SAMD12: variants seen among roughly 807,000 people sequenced by gnomAD.
SAMD12 encodes sterile alpha motif domain containing 12.
A neutral mutation model predicts 15.0 loss-of-function variants in SAMD12; 9 were observed. The ratio of observed to expected loss-of-function variants is 0.60; its 90% CI spans 0.36 to 1.05. The LOEUF (loss-of-function observed/expected upper bound fraction) is 1.05. Ranked by LOEUF, SAMD12 falls within the 50% of genes least tolerant of loss-of-function variation. The pLI, the probability that SAMD12 is intolerant of heterozygous loss-of-function variation, is 0.01. For missense variants in SAMD12, 230 were observed against 234.2 expected (o/e 0.98, Z 0.12); for synonymous variants, 86 against 90.1 (o/e 0.96, Z 0.25).
chr8:118,376,162 C>A (rs180924364), downstream of SAMD12, among the ~76,000 whole-genome samples: 12 of 152,256 alleles, frequency 7.9e-5, no homozygotes, highest in African/African-American at 2.6e-4. Flanking sequence ...TCCTAAGAAA[C>A]GCAATCATTT....
chr8:118,372,580 C>T (rs1405370366), intron 4 of SAMD12, among the ~76,000 whole-genome samples: 1 of 152,050 alleles, frequency 6.6e-6, no homozygotes, highest in Non-Finnish European at 1.5e-5. Flanking sequence ...AGCAATTCCA[C>T]TTCTAGATAT....
chr8:118,156,674 C>G, the SAMD12 span, among the ~76,000 whole-genome samples: 2 of 152,042 alleles, frequency 1.3e-5, no homozygotes, highest in African/African-American at 4.8e-5. Flanking sequence ...CTGTGCTAGA[C>G]ATTCATGATA....
At chr8:118,528,402 T>A (rs989362652) in intron 2 of SAMD12, among the ~76,000 whole-genome samples, 2 of 152,220 alleles carry the variant, frequency 1.3e-5, no homozygotes, top group African/African-American at 4.8e-5. Flanking sequence ...AATAGTAACA[T>A]AGGGATTAAT....
intron 3 of SAMD12, among the ~76,000 whole-genome samples, chr8:118,395,711 C>A (rs1820522886): frequency 6.6e-6 from 1 of 152,084 alleles, no homozygotes; most frequent in Non-Finnish European, 1.5e-5. Flanking sequence ...GTAATCCTAG[C>A]ACTTTGGGAG....
chr8:118,491,712 T>G (rs900501889), intron 2 of SAMD12, among the ~76,000 whole-genome samples: 1 of 152,174 alleles, frequency 6.6e-6, no homozygotes, highest in South Asian at 2.1e-4. Flanking sequence ...AACATGTGCA[T>G]GTGTCTGGCT....
chr8:118,388,431 G>A (rs558335547), intron 3 of SAMD12, among the ~76,000 whole-genome samples: 55 of 152,152 alleles, frequency 3.6e-4, no homozygotes, highest in Admixed American at 4.6e-4. Context: ...TTTTGAGAGC[G>A]GCTTTTTTCT....
intron 3 of SAMD12, among the ~76,000 whole-genome samples, chr8:118,405,292 T>C (rs1432488403): frequency 2.0e-5 from 3 of 152,186 alleles, no homozygotes; most frequent in Non-Finnish European, 2.9e-5. Context: ...ACAGCTTTAC[T>C]GGAAATAATC....
At chr8:118,345,329 C>T (rs1817580691) in intron 4 of SAMD12, among the ~76,000 whole-genome samples, 1 of 152,172 alleles carries the variant, frequency 6.6e-6, no homozygotes, top group Admixed American at 6.5e-5. Flanking sequence ...GCGATGCTCA[C>T]ACAATGAAAT....
intron 3 of SAMD12, among the ~76,000 whole-genome samples, chr8:118,389,453 C>T (rs555740051): frequency 7.2e-5 from 11 of 152,264 alleles, no homozygotes; most frequent in Non-Finnish European, 1.5e-4. Flanking sequence ...TGGGAGCCTA[C>T]GCAGCCCAGC....
rs548239075 is a variant in SAMD12, at chr8:118,278,489, G to A, written c.434-80757C>T. On this transcript the variant is annotated intron_variant, in intron 4 of 4. Coordinates refer to the SAMD12 transcript ENST00000409003. ...GATTCAAGAAAGCTTCAGCATCTGG[G>A]AAGCCTAGAGAACAAACCATAACCA... 7.2e-5 allele frequency among the ~76,000 whole-genome samples: 11 copies of A among 152,332 alleles called. No homozygotes were observed. The South Asian group carries it at 2.3e-3, about 32-fold the overall frequency.
At chr8:118,255,600 T>C (rs868246417) in intron 4 of SAMD12, among the ~76,000 whole-genome samples, 32 of 147,240 alleles carry the variant, frequency 2.2e-4, no homozygotes, top group African/African-American at 3.0e-4. Flanking sequence ...TGAGAACATG[T>C]GGTGTTTGGT....
intron 2 of SAMD12, among the ~76,000 whole-genome samples, chr8:118,467,402 A>T (rs1170543533): frequency 6.6e-6 from 1 of 152,190 alleles, no homozygotes; most frequent in Non-Finnish European, 1.5e-5. Context: ...TGCCTCCCAC[A>T]TAGAAAATTT....
intron 2 of SAMD12, among the ~76,000 whole-genome samples, chr8:118,569,527 T>C (rs964294779): frequency 5.9e-5 from 9 of 152,150 alleles, no homozygotes; most frequent in South Asian, 2.1e-4. Flanking sequence ...CTAAAACTGA[T>C]AGGTTGAAGC....
chr8:118,566,263 C>T (rs772886550), intron 2 of SAMD12, among the ~76,000 whole-genome samples: 15 of 152,176 alleles, frequency 9.9e-5, no homozygotes, highest in Admixed American at 2.6e-4. Context: ...CCCATCTTCC[C>T]GCACAGCTGC....
the SAMD12 span, among the ~76,000 whole-genome samples, chr8:118,155,442 G>T: frequency 6.6e-6 from 1 of 152,140 alleles, no homozygotes; most frequent in Non-Finnish European, 1.5e-5. Context: ...GTTATGAGAG[G>T]CTCAAGGCAG....
At chr8:118,415,448 G>GGTGTAT (rs1821636311) in intron 3 of SAMD12, among the ~76,000 whole-genome samples, 1 of 142,858 alleles carries the variant, frequency 7.0e-6, no homozygotes, top group East Asian at 2.1e-4. Flanking sequence ...CTTGTCCTAA[G>GGTGTAT]GTGTGTGTGT....
intron 4 of SAMD12, among the ~76,000 whole-genome samples, chr8:118,362,404 A>C (rs893833557): frequency 3.2e-4 from 48 of 152,198 alleles, no homozygotes; most frequent in Admixed American, 1.6e-3. Flanking sequence ...GTGTTGTCTG[A>C]ATTTTAGGGA....
At chr8:118,337,337 C>T (rs1377794319) in intron 4 of SAMD12, among the ~76,000 whole-genome samples, 1 of 152,094 alleles carries the variant, frequency 6.6e-6, no homozygotes, top group Non-Finnish European at 1.5e-5. Flanking sequence ...TGTACATGCC[C>T]TGGGTTTTAA....
chr8:118,529,974 G>A (rs1428491260), intron 2 of SAMD12, among the ~76,000 whole-genome samples: 1 of 152,132 alleles, frequency 6.6e-6, no homozygotes, highest in Non-Finnish European at 1.5e-5. Context: ...ATTAGAGATT[G>A]CACTAATTTA....
Sources: allele counts gnomAD v4.1 joint callset (sites outside exome capture counted in the v4.1 genomes callset), GRCh38; gene constraint gnomAD v4.1.1; transcripts MANE v1.5; gene names NCBI Gene and HGNC (gene_info 2026-07-23, HGNC 2026-07-21).